The following SH3BGRL variants were observed in gnomAD, a reference collection of about 807,000 sequenced individuals.
The protein encoded by SH3BGRL is SH3 domain binding glutamate rich protein like.
A neutral mutation model predicts 9.8 loss-of-function variants in SH3BGRL; 7 were observed. That is an observed-to-expected ratio of 0.72 (90% confidence interval 0.41 to 1.35). The LOEUF is 1.35. Ranked by LOEUF, SH3BGRL falls within the 40% of genes most tolerant of loss-of-function variation. The pLI is 0.01. For missense variants in SH3BGRL, 73 were observed against 84.4 expected, an observed-to-expected ratio of 0.86 and a Z score of 0.53; for synonymous variants, 36 against 29.1, an observed-to-expected ratio of 1.24 and a Z score of -0.76.
At chrX:81,221,480 C>T (rs961394393) in intron 1 of SH3BGRL, among the ~76,000 whole-genome samples, 1 of 111,689 alleles carries the variant, frequency 9.0e-6, no homozygotes, top group African/African-American at 3.3e-5. Flanking sequence ...AATTATTTCT[C>T]CTTAGGTTTC....
chrX:81,286,596 C>T (rs967070421), intron 3 of SH3BGRL, among the ~76,000 whole-genome samples: 1 of 106,124 alleles, frequency 9.4e-6, no homozygotes, highest in East Asian at 3.0e-4. Flanking sequence ...ACCTCAGGTA[C>T]ATCTCATTTT....
In SH3BGRL at chrX:81,227,254, A is replaced by G. The variant is rs182513533; in HGVS notation, c.45+25009A>G. 2.5e-3 allele frequency among the ~76,000 whole-genome samples: 279 copies of G among 112,572 alleles called. 1 individual carries two copies. Among genetic ancestry groups the G allele is most frequent in the African/African-American group, 8.5e-3 (265 of 31,062 alleles). On this transcript the variant is annotated intron_variant, in intron 1 of 3. Transcript: ENST00000373212. ...TTAGAAACATGGTGGAAAGTTTTCAATCACTTTATGGATTTGAAATGGCCA... is the reference window on the plus strand; with the variant it reads ...TTAGAAACATGGTGGAAAGTTTTCAGTCACTTTATGGATTTGAAATGGCCA...
chrX:81,285,238 C>A (rs2147717874), intron 3 of SH3BGRL, among the ~76,000 whole-genome samples: 1 of 110,947 alleles, frequency 9.0e-6, no homozygotes, highest in African/African-American at 3.3e-5. Flanking sequence ...ACTGGTTAAC[C>A]CACATTGAAA....
intron 1 of SH3BGRL, among the ~76,000 whole-genome samples, chrX:81,272,502 CTTTTTTTT>C (rs748353277): frequency 1.0e-5 from 1 of 95,671 alleles, no homozygotes; most frequent in Non-Finnish European, 2.1e-5. Context: ...TTTTTCTTTT[CTTTTTTTT>C]TTTTTTTTGA....
chrX:81,293,734 C>A (rs1191929911), intron 3 of SH3BGRL, among the ~76,000 whole-genome samples: 1 of 111,669 alleles, frequency 9.0e-6, no homozygotes, highest in Non-Finnish European at 1.9e-5. Context: ...GAGGTTGGAA[C>A]AGTTTGGAGG....
chrX:81,261,532 A>C (rs1011328042), intron 1 of SH3BGRL, among the ~76,000 whole-genome samples: 1 of 111,091 alleles, frequency 9.0e-6, no homozygotes, highest in Admixed American at 9.6e-5. Context: ...CCCATAACAT[A>C]TGTGCGGTCA....
intron 1 of SH3BGRL, among the ~76,000 whole-genome samples, chrX:81,216,942 T>G (rs2075582950): frequency 9.0e-6 from 1 of 110,815 alleles, no homozygotes; most frequent in African/African-American, 3.3e-5. Context: ...CATTTTCTTT[T>G]GGATATGTAC....
intron 1 of SH3BGRL, among the ~76,000 whole-genome samples, chrX:81,258,980 A>AGTAGACTG (rs1283396089): frequency 8.9e-6 from 1 of 112,893 alleles, no homozygotes; most frequent in African/African-American, 3.2e-5. Flanking sequence ...TGTTATACAC[A>AGTAGACTG]GTAGACTGGC....
At chrX:81,225,151 T>G (rs7878146) in intron 1 of SH3BGRL, among the ~76,000 whole-genome samples, 1,494 of 111,515 alleles carry the variant, frequency 0.013, 30 homozygotes, top group African/African-American at 0.047. Flanking sequence ...AATTTTATTT[T>G]TTTTTAACCA....
intron 1 of SH3BGRL, among the ~76,000 whole-genome samples, chrX:81,231,712 T>A (rs1256312022): frequency 8.9e-6 from 1 of 112,116 alleles, no homozygotes. Context: ...TGGCAATAAT[T>A]CTAAGGAGAA....
At chrX:81,238,904 C>T (rs949133565) in intron 1 of SH3BGRL, among the ~76,000 whole-genome samples, 6 of 110,654 alleles carry the variant, frequency 5.4e-5, no homozygotes, top group African/African-American at 9.9e-5. Flanking sequence ...AGAGAATTCT[C>T]CTGGAACTAG....
At chrX:81,254,126 A>G (rs1322328622) in intron 1 of SH3BGRL, among the ~76,000 whole-genome samples, 2 of 112,195 alleles carry the variant, frequency 1.8e-5, no homozygotes, top group African/African-American at 3.2e-5. Context: ...TTCTGGACAT[A>G]CTGTTGTTCT....
intron 3 of SH3BGRL, among the ~76,000 whole-genome samples, chrX:81,283,074 A>C (rs192855339): frequency 8.9e-6 from 1 of 111,957 alleles, no homozygotes; most frequent in Non-Finnish European, 1.9e-5. Flanking sequence ...CCTAGAAGAG[A>C]ATGGATAAAT....
chrX:81,229,319 G>A (rs762937292), intron 1 of SH3BGRL, among the ~76,000 whole-genome samples: 46 of 111,043 alleles, frequency 4.1e-4, no homozygotes, highest in South Asian at 1.2e-3. Flanking sequence ...CCCAGTGGGC[G>A]TGTGTTACAG....
chrX:81,207,481 T>C (rs1012304391), intron 1 of SH3BGRL, among the ~76,000 whole-genome samples: 1 of 112,205 alleles, frequency 8.9e-6, no homozygotes, highest in Non-Finnish European at 1.9e-5. Context: ...ATCTGGATAA[T>C]ATAGAAGAGC....
At chrX:81,272,751 G>A (rs781575597) in intron 1 of SH3BGRL, among the ~76,000 whole-genome samples, 2 of 110,448 alleles carry the variant, frequency 1.8e-5, no homozygotes, top group East Asian at 5.7e-4. Flanking sequence ...CGCCCGCCTC[G>A]GCTTCCCAAA....
chrX:81,216,779 C>G (rs1162233287), intron 1 of SH3BGRL, among the ~76,000 whole-genome samples: 2 of 111,567 alleles, frequency 1.8e-5, no homozygotes, highest in Non-Finnish European at 3.8e-5. Flanking sequence ...GGATCTCATT[C>G]TTTTTATAAC....
intron 1 of SH3BGRL, among the ~76,000 whole-genome samples, chrX:81,222,517 A>G (rs1350195621): frequency 8.2e-5 from 9 of 109,666 alleles, no homozygotes; most frequent in African/African-American, 2.7e-4. Flanking sequence ...CTTTTTTATG[A>G]CTGCATAGTA....
intron 1 of SH3BGRL, among the ~76,000 whole-genome samples, chrX:81,207,960 A>G (rs772052374): frequency 9.0e-6 from 1 of 111,728 alleles, no homozygotes; most frequent in African/African-American, 3.3e-5. Flanking sequence ...AGTTTAGTAA[A>G]AGATTAATTA....
Sources: gnomAD v4.1 joint callset for allele counts (sites outside exome capture counted in the v4.1 genomes callset) on GRCh38, gnomAD v4.1.1 for gene constraint, MANE v1.5 for transcripts, NCBI Gene and HGNC (gene_info 2026-07-23, HGNC 2026-07-21) for gene names.